The following QTGAL variants were observed in gnomAD, a reference collection of about 807,000 sequenced individuals.
The protein encoded by QTGAL is queuosine-tRNA galactosyltransferase.
At chr17:83,008,247 A>G in the QTGAL span, among the ~76,000 whole-genome samples, 2 of 152,246 alleles carry the variant, frequency 1.3e-5, no homozygotes, top group African/African-American at 4.8e-5. Context: ...AACTTTCTCC[A>G]GGTTCCTAGA....
the QTGAL span, among the ~76,000 whole-genome samples, chr17:82,965,985 A>C: frequency 6.6e-6 from 1 of 150,802 alleles, no homozygotes. Flanking sequence ...TGTGATCATC[A>C]CTCACTGTAG....
At chr17:83,042,598 C>T in the QTGAL span, among the ~76,000 whole-genome samples, 1 of 151,918 alleles carries the variant, frequency 6.6e-6, no homozygotes, top group Non-Finnish European at 1.5e-5. Context: ...CGGAAATAAG[C>T]AATTAAACAG....
the QTGAL span, among the ~76,000 whole-genome samples, chr17:82,964,152 A>G: frequency 6.7e-6 from 1 of 150,156 alleles, no homozygotes; most frequent in African/African-American, 2.5e-5. Context: ...AGTCTCAGCT[A>G]CTCAGGAGGC....
chr17:83,020,745 G>A, the QTGAL span, among the ~76,000 whole-genome samples: 2 of 152,192 alleles, frequency 1.3e-5, no homozygotes, highest in South Asian at 2.1e-4. Context: ...GAGAGGCCAC[G>A]GCCGCATGGC....
At chr17:82,974,267 G>A in the QTGAL span, among the ~76,000 whole-genome samples, 3 of 152,322 alleles carry the variant, frequency 2.0e-5, no homozygotes, top group South Asian at 6.2e-4. Context: ...GACTGAGGCC[G>A]CCCGGGTGGC....
At chr17:83,016,501 G>A in the QTGAL span, among the ~76,000 whole-genome samples, 1 of 148,248 alleles carries the variant, frequency 6.7e-6, no homozygotes, top group East Asian at 2.0e-4. Flanking sequence ...AGAAGGGATG[G>A]AGGGAGGAGG....
chr17:82,963,935 G>T, the QTGAL span, among the ~76,000 whole-genome samples: 2 of 150,040 alleles, frequency 1.3e-5, no homozygotes, highest in South Asian at 4.2e-4. Context: ...AAATTGGATC[G>T]ATTTAACTAA....
chr17:82,962,577 C>CCGCGGG, the QTGAL span, among the ~76,000 whole-genome samples: 3 of 108,754 alleles, frequency 2.8e-5, no homozygotes, highest in East Asian at 2.8e-4. Flanking sequence ...GTGGAGGTTC[C>CCGCGGG]TGTGGGTGCT....
the QTGAL span, among the ~76,000 whole-genome samples, chr17:82,989,332 C>T: frequency 0.012 from 1,859 of 151,164 alleles, 45 homozygotes; most frequent in African/African-American, 0.043. Context: ...ACACACACTA[C>T]GGCCTGTTGT....
chr17:83,023,223 GGCCCAC>G, the QTGAL span, among the ~76,000 whole-genome samples: 11 of 82,732 alleles, frequency 1.3e-4, 1 homozygote, highest in East Asian at 4.4e-4. Context: ...CACTGTCCCC[GGCCCAC>G]CTGCACCAGC....
At chr17:83,048,517 A>G in the QTGAL span, 3 of 1,614,076 alleles carry the variant, frequency 1.9e-6, no homozygotes, top group Non-Finnish European at 2.5e-6. Context: ...TCACGTGGAC[A>G]CCAGAATCTT....
chr17:82,942,327 A>AT, the QTGAL span: 1 of 1,444,900 alleles, frequency 6.9e-7, no homozygotes, highest in Non-Finnish European at 9.6e-7. Flanking sequence ...GAAACGGCAC[A>AT]AATGGTTTCC....
chr17:82,959,463 A>AGTGT, the QTGAL span, among the ~76,000 whole-genome samples: 5 of 151,124 alleles, frequency 3.3e-5, no homozygotes, highest in Non-Finnish European at 7.4e-5. Context: ...GTGCACGTGC[A>AGTGT]GTGTGTGTGT....
chr17:82,944,542 GA>G, the QTGAL span: 136 of 152,412 alleles, frequency 8.9e-4, no homozygotes, highest in African/African-American at 3.2e-3. Flanking sequence ...AAGGTGTTCA[GA>G]AAACCTCTCT....
chr17:82,964,027 T>G, the QTGAL span, among the ~76,000 whole-genome samples: 71,977 of 144,768 alleles, frequency 0.5, 18,340 homozygotes, highest in South Asian at 0.62. Flanking sequence ...AAGGCTGAGG[T>G]CGGGGGGGTG....
At chr17:83,029,760 G>C in the QTGAL span, among the ~76,000 whole-genome samples, 11 of 152,292 alleles carry the variant, frequency 7.2e-5, no homozygotes, top group African/African-American at 2.4e-4. Context: ...TCGGCTGAGA[G>C]GAAAATGCAA....
At chr17:83,034,923 TA>T in the QTGAL span, 2 of 883,214 alleles carry the variant, frequency 2.3e-6, no homozygotes, top group Non-Finnish European at 3.6e-6. Context: ...ATTATTAGTC[TA>T]ATAACCATTA....
the QTGAL span, among the ~76,000 whole-genome samples, chr17:82,966,152 A>T: frequency 6.6e-6 from 1 of 151,524 alleles, no homozygotes; most frequent in East Asian, 1.9e-4. Context: ...CCTGGCCTCA[A>T]GCGATCCTCC....
the QTGAL span, among the ~76,000 whole-genome samples, chr17:83,037,842 A>G: frequency 1.3e-5 from 2 of 152,220 alleles, no homozygotes; most frequent in Non-Finnish European, 2.9e-5. The surrounding 1 kb of genome is among the most constrained non-coding windows in gnomAD (Gnocchi z 5.2). Flanking sequence ...TTTGGCAGAG[A>G]CAAGGAATTT....
Sources: allele counts gnomAD v4.1 joint callset (sites outside exome capture counted in the v4.1 genomes callset), GRCh38; gene constraint gnomAD v4.1.1; non-coding constraint Gnocchi (gnomAD v3.1); transcripts MANE v1.5; gene names NCBI Gene and HGNC (gene_info 2026-07-23, HGNC 2026-07-21).